Variants in ST6GALNAC3 observed in about 807,000 individuals in gnomAD.
The protein encoded by ST6GALNAC3 is ST6 N-acetylgalactosaminide alpha-2,6-sialyltransferase 3.
A neutral mutation model predicts 32.7 loss-of-function variants in ST6GALNAC3; 25 were observed. That is an observed-to-expected ratio of 0.76 (90% CI 0.56 to 1.07). ST6GALNAC3 has a LOEUF of 1.07. Among genes scored for constraint, ST6GALNAC3 ranks in the 50% least tolerant of loss-of-function variants. The pLI, the probability that ST6GALNAC3 is intolerant of heterozygous loss-of-function variation, is 0.00. For missense variants in ST6GALNAC3, 355 were observed against 382.4 expected, an observed-to-expected ratio of 0.93 and a Z score of 0.60; for synonymous variants, 129 against 133.1, an observed-to-expected ratio of 0.97 and a Z score of 0.21.
chr1:76,558,555 T>C (rs1235070645), intron 3 of ST6GALNAC3, among the ~76,000 whole-genome samples: 5 of 152,036 alleles, frequency 3.3e-5, no homozygotes, highest in Non-Finnish European at 5.9e-5. Context: ...CACATGGACA[T>C]GTAGAAGAGA....
intron 3 of ST6GALNAC3, among the ~76,000 whole-genome samples, chr1:76,480,501 A>G (rs1371616014): frequency 6.6e-6 from 1 of 152,158 alleles, no homozygotes; most frequent in Admixed American, 6.6e-5. Flanking sequence ...AAAAGTAAGG[A>G]AATCCTAGAT....
At chr1:76,498,220 TA>T (rs1405300226) in intron 3 of ST6GALNAC3, among the ~76,000 whole-genome samples, 1 of 152,220 alleles carries the variant, frequency 6.6e-6, no homozygotes, top group Non-Finnish European at 1.5e-5. Flanking sequence ...GATTTAAGTT[TA>T]GAGAAGGTTG....
chr1:76,273,691 G>A (rs1234525246), intron 1 of ST6GALNAC3, among the ~76,000 whole-genome samples: 1 of 152,126 alleles, frequency 6.6e-6, no homozygotes, highest in East Asian at 1.9e-4. Context: ...TTAACATAAC[G>A]TGGCATATCG....
At chr1:76,545,373 C>T (rs1428463647) in intron 3 of ST6GALNAC3, among the ~76,000 whole-genome samples, 2 of 152,132 alleles carry the variant, frequency 1.3e-5, no homozygotes, top group Admixed American at 1.3e-4. Context: ...TAAATATCGC[C>T]TCTTCCTGCC....
intron 2 of ST6GALNAC3, among the ~76,000 whole-genome samples, chr1:76,324,152 G>C (rs1011203988): frequency 1.3e-5 from 2 of 152,168 alleles, no homozygotes; most frequent in Non-Finnish European, 1.5e-5. Flanking sequence ...CACCATGCCC[G>C]GTTGAAGAAG....
In ST6GALNAC3 at chr1:76,412,339, A is replaced by G. The variant is rs1461168865; in HGVS notation, c.545A>G (p.Asn182Ser). Residue 182 changes from asparagine (N) to serine (S), a missense_variant, in exon 3 of 5, where the codon AAT becomes AGT. Physicochemically the swap from Asn to Ser is conservative, Grantham distance 46 (BLOSUM62 1). Transcript: ENST00000328299. ...AAAAAGACAGTTGGTATCTATCCGAATGCCCAAATATACGTGACCACAGAG... is the reference window on the plus strand; with the variant it reads ...AAAAAGACAGTTGGTATCTATCCGAGTGCCCAAATATACGTGACCACAGAG... ...MLKKTVGIYP[N>S]AQIYVTTEKR... The G allele has an allele frequency of 5.0e-6, 8 of 1,613,488 alleles. No homozygotes were observed. The highest frequency in any genetic ancestry group is 5.9e-6 in the Non-Finnish European group (7 of 1,179,710).
At chr1:76,487,798 G>A (rs1660224949) in intron 3 of ST6GALNAC3, among the ~76,000 whole-genome samples, 1 of 152,124 alleles carries the variant, frequency 6.6e-6, no homozygotes, top group East Asian at 1.9e-4. Context: ...AGGGGGAGAG[G>A]CACTCTGATT....
At chr1:76,328,012 T>C (rs915006417) in intron 2 of ST6GALNAC3, among the ~76,000 whole-genome samples, 1 of 152,200 alleles carries the variant, frequency 6.6e-6, no homozygotes, top group African/African-American at 2.4e-5. Flanking sequence ...TCAGAAATAT[T>C]CTTTGGGTTA....
intron 3 of ST6GALNAC3, among the ~76,000 whole-genome samples, chr1:76,539,920 A>G (rs1663883088): frequency 6.6e-6 from 1 of 152,246 alleles, no homozygotes; most frequent in African/African-American, 2.4e-5. Context: ...AATGCAAATT[A>G]GTTCAACCAC....
chr1:76,308,721 T>C (rs945836308), intron 1 of ST6GALNAC3, among the ~76,000 whole-genome samples: 2 of 152,176 alleles, frequency 1.3e-5, no homozygotes, highest in African/African-American at 4.8e-5. Context: ...TAAATGGTAA[T>C]TCAAATAAAA....
intron 1 of ST6GALNAC3, among the ~76,000 whole-genome samples, chr1:76,166,256 T>C (rs887388757): frequency 6.6e-6 from 1 of 152,150 alleles, no homozygotes; most frequent in Non-Finnish European, 1.5e-5. Context: ...ACTTACTGAA[T>C]AGGGAATCCT....
At chr1:76,386,248 G>T (rs988401477) in intron 2 of ST6GALNAC3, among the ~76,000 whole-genome samples, 4 of 152,064 alleles carry the variant, frequency 2.6e-5, no homozygotes, top group African/African-American at 9.7e-5. Flanking sequence ...AACTTGTAAG[G>T]CTATGAGTTT....
intron 1 of ST6GALNAC3, among the ~76,000 whole-genome samples, chr1:76,251,757 T>C (rs546577507): frequency 1.2e-4 from 18 of 152,246 alleles, no homozygotes; most frequent in African/African-American, 4.1e-4. Flanking sequence ...TGATGCATTT[T>C]TCAATCTCTT....
At chr1:76,484,366 C>G (rs1306686285) in intron 3 of ST6GALNAC3, among the ~76,000 whole-genome samples, 1 of 152,118 alleles carries the variant, frequency 6.6e-6, no homozygotes, top group Non-Finnish European at 1.5e-5. Flanking sequence ...ATGGAATGTT[C>G]TTCCATTTGT....
chr1:76,502,423 A>G (rs565924830), intron 3 of ST6GALNAC3, among the ~76,000 whole-genome samples: 1 of 152,296 alleles, frequency 6.6e-6, no homozygotes, highest in South Asian at 2.1e-4. Flanking sequence ...CATAGTTCTG[A>G]AGACTAGAAG....
chr1:76,422,579 C>T (rs1655098726), intron 3 of ST6GALNAC3, among the ~76,000 whole-genome samples: 1 of 151,942 alleles, frequency 6.6e-6, no homozygotes, highest in South Asian at 2.1e-4. Context: ...ATCAGAATTA[C>T]AAGGGGTGCT....
chr1:76,110,016 T>C (rs1364634830), intron 1 of ST6GALNAC3, among the ~76,000 whole-genome samples: 1 of 152,252 alleles, frequency 6.6e-6, no homozygotes, highest in African/African-American at 2.4e-5. Context: ...GGCAGTGAGC[T>C]GAGAATTATC....
chr1:76,239,609 A>G (rs1242933852), intron 1 of ST6GALNAC3, among the ~76,000 whole-genome samples: 2 of 152,154 alleles, frequency 1.3e-5, no homozygotes, highest in Non-Finnish European at 2.9e-5. Flanking sequence ...ATGAACAAAC[A>G]GAGCAGGAAC....
intron 1 of ST6GALNAC3, among the ~76,000 whole-genome samples, chr1:76,305,678 G>T (rs986593456): frequency 6.6e-6 from 1 of 152,126 alleles, no homozygotes; most frequent in African/African-American, 2.4e-5. Flanking sequence ...ATTACTTTCA[G>T]ATCGGCCTTT....
Sources: allele counts gnomAD v4.1 joint callset (sites outside exome capture counted in the v4.1 genomes callset), GRCh38; gene constraint gnomAD v4.1.1; transcripts MANE v1.5; gene names NCBI Gene and HGNC (gene_info 2026-07-23, HGNC 2026-07-21).